The following PCDHGA6 variants were observed in gnomAD, a reference collection of about 807,000 sequenced individuals.
PCDHGA6 encodes the protein protocadherin gamma subfamily A, 6.
A neutral mutation model predicts 60.6 loss-of-function variants in PCDHGA6; 41 were observed. That is an observed-to-expected ratio of 0.68 (90% confidence interval 0.53 to 0.88). The LOEUF is 0.88. PCDHGA6 is among the 40% of genes least tolerant of loss of function. PCDHGA6 has a pLI of 0.00. For missense variants in PCDHGA6, 1,312 were observed against 1,203.0 expected, an observed-to-expected ratio of 1.09 and a Z score of -1.34; for synonymous variants, 594 against 524.4, an observed-to-expected ratio of 1.13 and a Z score of -1.81.
At position 141,403,513 on chromosome 5, in the gene PCDHGA6, T is replaced by G. The variant is rs754840157; in HGVS notation, c.2424+27006T>G. ...CCCTGAACGTGCAGACTGGAGACAATGGAGCCATAAACCCAGAGCTGGTGC... is the reference window on the plus strand; with the variant it reads ...CCCTGAACGTGCAGACTGGAGACAAGGGAGCCATAAACCCAGAGCTGGTGC... On this transcript the variant is annotated intron_variant, in intron 1 of 3. Coordinates refer to ENST00000517434, the MANE Select transcript of PCDHGA6 (RefSeq NM_018919.3). 8.1e-5 allele frequency: 131 copies of G among 1,613,832 alleles called. 1 individual carries two copies. In the African/African-American group the frequency reaches 1.2e-3, roughly 15 times the overall value.
intron 1 of PCDHGA6, among the ~76,000 whole-genome samples, chr5:141,425,459 C>A (rs2096876834): frequency 6.6e-6 from 1 of 152,200 alleles, no homozygotes; most frequent in African/African-American, 2.4e-5. Flanking sequence ...CATCACATTT[C>A]ATGTTATTAA....
chr5:141,506,216 T>A (rs2237080), intron 3 of PCDHGA6, among the ~76,000 whole-genome samples: 78,167 of 151,604 alleles, frequency 0.52, 20,820 homozygotes, highest in African/African-American at 0.63. Flanking sequence ...TTTGGGAAGC[T>A]GAGGCAGGAG....
rs1262335911 is a variant in PCDHGA6 at position 141,374,182 on chromosome 5, C to T, written c.99C>T (p.Tyr33=). 1.9e-6 allele frequency: 3 copies of T among 1,613,736 alleles called. No individual in the cohort carries two copies. Among genetic ancestry groups the T allele is most frequent in the Middle Eastern group, 1.6e-4 (1 of 6,062 alleles). Residue 33 remains tyrosine, a synonymous_variant, in exon 1 of 4, where the codon TAC becomes TAT. Transcript: ENST00000517434. ...LWGAAAAQIR[Y]SIPEELEKGS... ...GGGCCGCGGCAGCGCAGATCCGCTA[C>T]TCTATTCCCGAGGAGCTGGAGAAAG...
chr5:141,420,415 T>G, intron 1 of PCDHGA6: 1 of 1,217,298 alleles, frequency 8.2e-7, no homozygotes, highest in Non-Finnish European at 1.1e-6. Flanking sequence ...TTATCATTAT[T>G]AAAACAAAAG....
At chr5:141,450,033 G>T (rs1377962229) in intron 1 of PCDHGA6, among the ~76,000 whole-genome samples, 2 of 131,450 alleles carry the variant, frequency 1.5e-5, no homozygotes, top group Admixed American at 8.4e-5. Flanking sequence ...TTGAGACAGG[G>T]TCTCACTCTT....
chr5:141,485,888 G>T lies in PCDHGA6; in HGVS notation c.2425-8919G>T, dbSNP rs1166795987. 3 of 1,614,028 alleles carry T rather than the reference G, an allele frequency of 1.9e-6. No homozygotes were observed. The highest frequency in any genetic ancestry group is 2.5e-6 in the Non-Finnish European group (3 of 1,180,032). ...ATCCGTGCTGGACGTAAACGACAAC[G>T]CCCCAGCCTTCCAGCAATCCAGCTA... On this transcript the variant is annotated intron_variant, in intron 1 of 3. Coordinates refer to ENST00000517434, the MANE Select transcript of PCDHGA6 (RefSeq NM_018919.3). The surrounding 1 kb of genome is among the most constrained non-coding windows in gnomAD (Gnocchi z 5.7).
At chr5:141,420,473 G>A (rs1016985115) in intron 1 of PCDHGA6, 8 of 707,118 alleles carry the variant, frequency 1.1e-5, no homozygotes, top group Non-Finnish European at 1.6e-5. Flanking sequence ...ACATTTTAAA[G>A]CAAACTACAT....
chr5:141,379,118 C>G (rs180933858), intron 1 of PCDHGA6: 2 of 152,296 alleles, frequency 1.3e-5, no homozygotes, highest in Admixed American at 1.3e-4. Flanking sequence ...GAGAAGATAC[C>G]TTGAAAATAA....
intron 1 of PCDHGA6, chr5:141,382,993 C>A (rs762865747): frequency 6.2e-7 from 1 of 1,613,660 alleles, no homozygotes; most frequent in South Asian, 1.1e-5. Context: ...AGGACGTATT[C>A]TCTACTCCGT....
intron 1 of PCDHGA6, chr5:141,419,158 C>G (rs757849297): frequency 6.2e-7 from 1 of 1,613,950 alleles, no homozygotes; most frequent in South Asian, 1.1e-5. Context: ...CTCCGTTATC[C>G]TCCAGCAAAA....
intron 1 of PCDHGA6, chr5:141,417,834 G>A (rs1382990900): frequency 2.0e-6 from 3 of 1,530,144 alleles, no homozygotes; most frequent in Middle Eastern, 3.5e-4. Context: ...GGAAAAGCGG[G>A]GACCCAGCGA....
At chr5:141,460,411 T>TG (rs2098988114) in intron 1 of PCDHGA6, among the ~76,000 whole-genome samples, 1 of 152,212 alleles carries the variant, frequency 6.6e-6, no homozygotes, top group Non-Finnish European at 1.5e-5. Context: ...TTTGAGTTGA[T>TG]GTTTATGTAT....
intron 1 of PCDHGA6, chr5:141,382,891 A>C (rs1428861059): frequency 6.5e-7 from 1 of 1,533,794 alleles, no homozygotes; most frequent in Non-Finnish European, 8.8e-7. Flanking sequence ...CAAGAGAAGC[A>C]GGACGACTAT....
Position 141,375,205 on chromosome 5 carries a change from A to G in PCDHGA6, c.1122A>G (p.Arg374=), listed in dbSNP as rs1771239671. The G allele has an allele frequency of 1.9e-6, 3 of 1,614,000 alleles. No individual in the cohort carries two copies. Among genetic ancestry groups the G allele is most frequent in the Non-Finnish European group, 1.7e-6 (2 of 1,179,898 alleles). The change falls in exon 1 of 4, where the codon CGA becomes CGG. Residue 374 remains arginine, a synonymous_variant. Transcript: ENST00000517434. Reference sequence around the variant, plus strand: ...TCGCCCTTTTTCAAGTGTTCGATCGAGACTCTGGCCTGAATGGCCTGGTAA... The same window carrying G: ...TCGCCCTTTTTCAAGTGTTCGATCGGGACTCTGGCCTGAATGGCCTGGTAA... ...TVIALFQVFD[R]DSGLNGLVTC...
Sources: gnomAD v4.1 joint callset for allele counts (sites outside exome capture counted in the v4.1 genomes callset) on GRCh38, gnomAD v4.1.1 for gene constraint, Gnocchi (gnomAD v3.1) non-coding constraint, MANE v1.5 for transcripts, NCBI Gene and HGNC (gene_info 2026-07-23, HGNC 2026-07-21) for gene names.